Variants in LIPA observed in about 807,000 individuals in gnomAD.
The protein encoded by LIPA is lipase A, lysosomal acid type.
LIPA carries 26 observed loss-of-function variants against 40.6 expected under a neutral mutation model. The observed-to-expected ratio is 0.64, with a 90% CI of 0.47 to 0.89. LIPA has a LOEUF of 0.89. LIPA is among the 40% of genes least tolerant of loss of function. LIPA has a pLI of 0.00. For missense variants in LIPA, 455 were observed against 479.6 expected (o/e 0.95, Z 0.48); for synonymous variants, 188 against 168.4 (o/e 1.12, Z -0.90).
intron 2 of LIPA, among the ~76,000 whole-genome samples, chr10:89,390,026 G>A (rs961241992): frequency 6.3e-5 from 9 of 142,126 alleles, no homozygotes; most frequent in Non-Finnish European, 1.4e-4. Context: ...TTGTTGCCCA[G>A]GCTGGAGTGC....
intron 1 of LIPA, among the ~76,000 whole-genome samples, chr10:89,280,819 A>G (rs1843310806): frequency 6.6e-6 from 1 of 152,182 alleles, no homozygotes; most frequent in Non-Finnish European, 1.5e-5. Flanking sequence ...TAATGGTATC[A>G]TTTCTGAAGT....
At chr10:89,250,029 AT>A (rs1392472243) in intron 1 of LIPA, among the ~76,000 whole-genome samples, 1 of 137,660 alleles carries the variant, frequency 7.3e-6, no homozygotes, top group South Asian at 2.4e-4. Flanking sequence ...TCCTGGGATT[AT>A]TTTTTTCCAA....
At chr10:89,402,463 A>C in intron 2 of LIPA, 3 of 1,614,206 alleles carry the variant, frequency 1.9e-6, no homozygotes, top group Non-Finnish European at 2.5e-6. Context: ...TATGTGAAAC[A>C]CCTGAAAGGC....
chr10:89,260,477 G>A (rs899759109), intron 1 of LIPA, among the ~76,000 whole-genome samples: 3 of 152,176 alleles, frequency 2.0e-5, no homozygotes, highest in Non-Finnish European at 2.9e-5. Context: ...GGGTAGCTGT[G>A]GAGAAGATTG....
At chr10:89,400,364 G>A (rs918664280) in intron 2 of LIPA, among the ~76,000 whole-genome samples, 3 of 152,072 alleles carry the variant, frequency 2.0e-5, no homozygotes, top group African/African-American at 4.8e-5. Context: ...GATCACTTTG[G>A]GTAGTATTGA....
chr10:89,230,316 T>A (rs1470606414), intron 3 of LIPA, among the ~76,000 whole-genome samples: 1 of 152,146 alleles, frequency 6.6e-6, no homozygotes, highest in East Asian at 1.9e-4. Context: ...TTTGATTGAT[T>A]GATTGATTGA....
At chr10:89,228,863 T>G (rs2133437699) in intron 3 of LIPA, among the ~76,000 whole-genome samples, 1 of 152,318 alleles carries the variant, frequency 6.6e-6, no homozygotes, top group South Asian at 2.1e-4. Context: ...CACCAACTGC[T>G]GAAGAGGATG....
intron 2 of LIPA, among the ~76,000 whole-genome samples, chr10:89,381,251 T>C (rs1844160686): frequency 6.6e-6 from 1 of 152,200 alleles, no homozygotes; most frequent in Non-Finnish European, 1.5e-5. Flanking sequence ...GTTCTCATCA[T>C]AGCACAAGCT....
intron 1 of LIPA, among the ~76,000 whole-genome samples, chr10:89,251,496 G>C (rs955100006): frequency 1.0e-5 from 1 of 96,298 alleles, no homozygotes. Context: ...CAGCGCCCAG[G>C]GAAGAGAGTG....
chr10:89,386,199 A>G (rs1450445264), intron 2 of LIPA, among the ~76,000 whole-genome samples: 1 of 152,066 alleles, frequency 6.6e-6, no homozygotes, highest in East Asian at 1.9e-4. Flanking sequence ...GCCACCATGT[A>G]CCACTTCCTA....
rs75001468 is a variant in LIPA, at chr10:89,227,273, G to A, written c.429-269C>T. Among the ~76,000 whole-genome samples the A allele has an allele frequency of 0.034, 5,213 of 152,290 alleles. 328 individuals are homozygous for A. The highest frequency in any genetic ancestry group is 0.12 in the African/African-American group (4,825 of 41,540). On this transcript the variant is annotated intron_variant, in intron 4 of 9. Coordinates refer to ENST00000336233, the MANE Select transcript of LIPA (RefSeq NM_000235.4). ...ATTTCTGTAAGTAGAATTATACAAT[G>A]TGTATTCTCCTGTATCTGGCTTAAT...
At chr10:89,373,571 A>G (rs1032627534) in intron 2 of LIPA, among the ~76,000 whole-genome samples, 2 of 152,138 alleles carry the variant, frequency 1.3e-5, no homozygotes, top group Non-Finnish European at 2.9e-5. Context: ...AGGTCAGTGC[A>G]CTTTGACCTA....
intron 2 of LIPA, among the ~76,000 whole-genome samples, chr10:89,381,047 T>C (rs1844158963): frequency 6.6e-6 from 1 of 152,180 alleles, no homozygotes; most frequent in Non-Finnish European, 1.5e-5. Context: ...CACCTATCAA[T>C]GCATGGCCAT....
intron 1 of LIPA, among the ~76,000 whole-genome samples, chr10:89,334,324 C>T (rs1005996812): frequency 5.3e-5 from 8 of 151,950 alleles, no homozygotes; most frequent in African/African-American, 1.9e-4. Context: ...CTTATGTCTG[C>T]AATCCGAGGT....
Position 89,228,370 on chromosome 10 carries a change from A to G in LIPA, c.258T>C (p.His86=). ...KGPKPVVFLQ[H]GLLADSSNWV... Reference sequence around the variant, plus strand: ...AGTTACTAGAATCTGCCAGCAAGCCATGTTGCAGGAAGACAACTGGTTTGG... The same window carrying G: ...AGTTACTAGAATCTGCCAGCAAGCCGTGTTGCAGGAAGACAACTGGTTTGG... Residue 86 remains histidine, a synonymous_variant, in exon 4 of 10, where the codon CAT becomes CAC. Transcript: ENST00000336233. 1 of 1,614,224 alleles carries G rather than the reference A, an allele frequency of 6.2e-7. No individual in the cohort carries two copies. The highest frequency in any genetic ancestry group is 8.5e-7 in the Non-Finnish European group (1 of 1,180,022).
intron 8 of LIPA, among the ~76,000 whole-genome samples, chr10:89,222,258 T>C (rs1283217388): frequency 6.6e-6 from 1 of 152,004 alleles, no homozygotes; most frequent in East Asian, 1.9e-4. Flanking sequence ...AACCTGAGAC[T>C]TGAGGAAGGG....
At chr10:89,223,934 G>A (rs377738342) in intron 6 of LIPA, 104 bp from the exon 7 acceptor site, 44 of 1,197,598 alleles carry the variant, frequency 3.7e-5, no homozygotes, top group Middle Eastern at 1.9e-4. Context: ...ATGTCTCCAC[G>A]AATGGCCTCA....
At chr10:89,287,523 A>G (rs969389491) in intron 1 of LIPA, among the ~76,000 whole-genome samples, 2 of 151,822 alleles carry the variant, frequency 1.3e-5, no homozygotes, top group African/African-American at 4.8e-5. Context: ...TCTCATTGCC[A>G]CCCTTCTTCC....
intron 1 of LIPA, chr10:89,340,073 G>T: frequency 6.2e-7 from 1 of 1,613,530 alleles, no homozygotes; most frequent in Non-Finnish European, 8.5e-7. Flanking sequence ...ATGGGCCAGG[G>T]CGCAGTCAGC....
Sources: gnomAD v4.1 joint callset for allele counts (sites outside exome capture counted in the v4.1 genomes callset) on GRCh38, gnomAD v4.1.1 for gene constraint, MANE v1.5 for transcripts, NCBI Gene and HGNC (gene_info 2026-07-23, HGNC 2026-07-21) for gene names.